The following MSI2 variants were observed in gnomAD, a reference collection of about 807,000 sequenced individuals.
MSI2 encodes the protein musashi RNA binding protein 2, also known as RNA-binding protein Musashi homolog 2.
MSI2 carries 17 observed loss-of-function variants against 45.6 expected under a neutral mutation model. The ratio of observed to expected loss-of-function variants is 0.37; its 90% CI spans 0.26 to 0.56. The LOEUF (loss-of-function observed/expected upper bound fraction) is 0.56. Ranked by LOEUF, MSI2 falls within the 20% of genes least tolerant of loss-of-function variation. The probability of loss-of-function intolerance (pLI) is 0.77; values close to 1 mark genes in which losing one functional copy is unlikely to be tolerated. For missense variants in MSI2, 293 were observed against 444.2 expected, an observed-to-expected ratio of 0.66 and a Z score of 3.06; for synonymous variants, 156 against 158.2, an observed-to-expected ratio of 0.99 and a Z score of 0.11.
At chr17:57,455,807 C>T (rs1006403582) in intron 6 of MSI2, among the ~76,000 whole-genome samples, 3 of 152,172 alleles carry the variant, frequency 2.0e-5, no homozygotes, top group East Asian at 1.9e-4. Context: ...TGATTTGCTG[C>T]GTCACCTTGG....
chr17:57,652,575 AC>A lies in MSI2; in HGVS notation c.790+417del. 1.3e-5 allele frequency among the ~76,000 whole-genome samples: 2 copies of A among 152,122 alleles called. No individual in the cohort carries two copies. The highest frequency in any genetic ancestry group is 3.9e-4 in the East Asian group (2 of 5,166). On this transcript the variant is annotated intron_variant, in intron 11 of 13. Transcript: ENST00000284073. The surrounding 1 kb of genome is among the most constrained non-coding windows in gnomAD (Gnocchi z 4.1). Reference sequence around the variant, plus strand: ...GAGAAGTGCTAGGCTGTCCCCTGGGACCCTGCTGCACTGGTAGGTGGGCTTG... The same window carrying A: ...GAGAAGTGCTAGGCTGTCCCCTGGGACCTGCTGCACTGGTAGGTGGGCTTG...
intron 7 of MSI2, among the ~76,000 whole-genome samples, chr17:57,550,364 T>C (rs1009469011): frequency 6.6e-6 from 1 of 152,178 alleles, no homozygotes; most frequent in Non-Finnish European, 1.5e-5. Flanking sequence ...GGACTTGTTC[T>C]TCTCCTTTGT....
At chr17:57,299,084 C>T (rs769736822) in intron 5 of MSI2, among the ~76,000 whole-genome samples, 5 of 152,252 alleles carry the variant, frequency 3.3e-5, no homozygotes, top group Non-Finnish European at 7.3e-5. Context: ...CATGAACCAA[C>T]TTTGCTGCTT....
At chr17:57,288,574 T>C (rs1171754931) in intron 5 of MSI2, among the ~76,000 whole-genome samples, 4 of 152,062 alleles carry the variant, frequency 2.6e-5, no homozygotes, top group Non-Finnish European at 4.4e-5. Context: ...CTGAGGGAGG[T>C]TGGCTGTAAT....
At chr17:57,364,941 C>T (rs531494360) in intron 5 of MSI2, 1 of 151,630 alleles carries the variant, frequency 6.6e-6, no homozygotes, top group Non-Finnish European at 1.5e-5. Flanking sequence ...CTTTCTTCCT[C>T]CATGGCACAG....
At chr17:57,422,685 T>C (rs914968123) in intron 6 of MSI2, among the ~76,000 whole-genome samples, 2 of 152,218 alleles carry the variant, frequency 1.3e-5, no homozygotes, top group South Asian at 4.1e-4. Context: ...GTGGTCTGCT[T>C]TGATGTCATG....
At chr17:57,563,871 C>T (rs780132727) in intron 7 of MSI2, among the ~76,000 whole-genome samples, 43 of 152,194 alleles carry the variant, frequency 2.8e-4, no homozygotes, top group Non-Finnish European at 4.6e-4. Flanking sequence ...CCAGGCCCTC[C>T]GCCCTCCCTA....
intron 5 of MSI2, among the ~76,000 whole-genome samples, chr17:57,282,725 C>T (rs1909527039): frequency 7.4e-6 from 1 of 135,006 alleles, no homozygotes; most frequent in Non-Finnish European, 1.5e-5. Flanking sequence ...CCTTGAGAAT[C>T]TTTCTGAAGG....
Position 57,675,233 on chromosome 17 carries a change from A to G in MSI2, c.945+107A>G. ...CAACATCGGGGGCAGAGGAGAGGAC[A>G]GAGGGTCCCCATCAACATCACACCA... On this transcript the variant is annotated intron_variant, in intron 12 of 13. Coordinates refer to ENST00000284073, the MANE Select transcript of MSI2 (RefSeq NM_138962.4). The G allele has an allele frequency of 7.0e-6, 8 of 1,137,750 alleles. No homozygotes were observed. In the South Asian group the frequency reaches 1.2e-4, roughly 17 times the overall value. 70.5% of individuals were successfully genotyped at this position (1,137,750 alleles called of 1,614,324 possible).
intron 7 of MSI2, among the ~76,000 whole-genome samples, chr17:57,545,069 G>T (rs920926938): frequency 5.9e-5 from 9 of 152,208 alleles, no homozygotes; most frequent in African/African-American, 2.2e-4. Flanking sequence ...CACGTTTGGT[G>T]GGGGAGGTGG....
intron 10 of MSI2, among the ~76,000 whole-genome samples, chr17:57,649,322 C>G (rs1910943734): frequency 6.6e-6 from 1 of 151,566 alleles, no homozygotes; most frequent in Non-Finnish European, 1.5e-5. Flanking sequence ...CATACATACA[C>G]TCAACACACA....
intron 7 of MSI2, among the ~76,000 whole-genome samples, chr17:57,592,089 A>G (rs1225795037): frequency 6.6e-6 from 1 of 151,526 alleles, no homozygotes; most frequent in African/African-American, 2.4e-5. Context: ...GGAGAATCGC[A>G]TGAGCCTGGG....
chr17:57,433,164 C>T (rs1454534190), intron 6 of MSI2, among the ~76,000 whole-genome samples: 1 of 152,196 alleles, frequency 6.6e-6, no homozygotes, highest in African/African-American at 2.4e-5. Flanking sequence ...TCAGACACTG[C>T]AGGCGGCTTC....
At chr17:57,513,767 C>A (rs926167216) in intron 6 of MSI2, among the ~76,000 whole-genome samples, 3 of 151,884 alleles carry the variant, frequency 2.0e-5, no homozygotes, top group South Asian at 4.2e-4. Context: ...AGGGCAGTTT[C>A]TTGAGTGCCA....
At chr17:57,386,141 C>G (rs937010099) in intron 5 of MSI2, among the ~76,000 whole-genome samples, 1 of 152,156 alleles carries the variant, frequency 6.6e-6, no homozygotes, top group African/African-American at 2.4e-5. Flanking sequence ...ATACCCCTAT[C>G]GAATCACCAG....
chr17:57,477,355 G>A (rs902100415), intron 6 of MSI2, among the ~76,000 whole-genome samples: 3 of 152,094 alleles, frequency 2.0e-5, no homozygotes, highest in Admixed American at 6.5e-5. Context: ...ACCAAAAGCC[G>A]ACTGCCAATG....
At chr17:57,650,667 A>T (rs1448793919) in intron 10 of MSI2, among the ~76,000 whole-genome samples, 1 of 152,128 alleles carries the variant, frequency 6.6e-6, no homozygotes, top group Non-Finnish European at 1.5e-5. Flanking sequence ...ACCATATTTA[A>T]ATGCAAGTAT....
chr17:57,658,823 G>C (rs542434502), intron 11 of MSI2, among the ~76,000 whole-genome samples: 1 of 152,162 alleles, frequency 6.6e-6, no homozygotes, highest in Non-Finnish European at 1.5e-5. Flanking sequence ...CAGCTGTCTG[G>C]AGCAGGGGTG....
chr17:57,575,125 C>T (rs140977481), intron 7 of MSI2, among the ~76,000 whole-genome samples: 1,568 of 150,964 alleles, frequency 0.01, 28 homozygotes, highest in African/African-American at 0.035. Flanking sequence ...CCACTGTGCC[C>T]GGCCGCATTC....
Sources: gnomAD v4.1 joint callset for allele counts (sites outside exome capture counted in the v4.1 genomes callset) on GRCh38, gnomAD v4.1.1 for gene constraint, Gnocchi (gnomAD v3.1) non-coding constraint, MANE v1.5 for transcripts, NCBI Gene and HGNC (gene_info 2026-07-23, HGNC 2026-07-21) for gene names.